CACTIN: variants seen among roughly 807,000 people sequenced by gnomAD.
CACTIN encodes cactin, spliceosome C complex subunit, also known as splicing factor Cactin.
CACTIN carries 20 observed loss-of-function variants against 84.9 expected under a neutral mutation model. The ratio of observed to expected loss-of-function variants is 0.24; its 90% CI spans 0.17 to 0.34. CACTIN has a LOEUF of 0.34. Among genes scored for constraint, CACTIN ranks in the 10% least tolerant of loss-of-function variants. CACTIN has a pLI of 1.00. For missense variants in CACTIN, 897 were observed against 1,117.2 expected, an observed-to-expected ratio of 0.80 and a Z score of 2.81; for synonymous variants, 549 against 467.9, an observed-to-expected ratio of 1.17 and a Z score of -2.24.
intron 1 of CACTIN, among the ~76,000 whole-genome samples, chr19:3,624,919 C>T (rs1360886885): frequency 1.3e-5 from 2 of 151,856 alleles, no homozygotes; most frequent in East Asian, 3.8e-4. Flanking sequence ...TTATTAGAGA[C>T]AGAGTCTCCC....
intron 1 of CACTIN, 23 bp downstream of exon 1, chr19:3,626,573 C>A (rs964145198): frequency 1.6e-5 from 23 of 1,410,744 alleles, no homozygotes; most frequent in African/African-American, 3.0e-5. Flanking sequence ...GGATCCCCAG[C>A]GCTGCTCCCG....
intron 2 of CACTIN, among the ~76,000 whole-genome samples, chr19:3,621,731 A>C (rs2033228538): frequency 6.6e-6 from 1 of 152,032 alleles, no homozygotes; most frequent in Non-Finnish European, 1.5e-5. Context: ...GGGTCTGGGG[A>C]GCAAGGGGCC....
chr19:3,611,357 A>G lies in CACTIN; in HGVS notation c.*566T>C. 1 of 450,946 alleles carries G rather than the reference A, an allele frequency of 2.2e-6. No individual in the cohort carries two copies. The highest frequency in any genetic ancestry group is 1.6e-5 in the South Asian group (1 of 63,924). The allele number at this position is 450,946 out of a possible 1,614,324, so 27.9% of individuals were successfully genotyped here. On this transcript the variant is annotated 3_prime_UTR_variant, in exon 10 of 10. Coordinates refer to ENST00000429344, the MANE Select transcript of CACTIN (RefSeq NM_001080543.2). The stretch of plus-strand genomic sequence containing the variant: ...CGGGCGCCAGCAGGGTCCCGGCCTC[A>G]GTGCTGCCTGTGCGGGCGAGGGTGG...
chr19:3,613,874 G>C (rs1298987201), intron 7 of CACTIN: 1 of 507,106 alleles, frequency 2.0e-6, no homozygotes, highest in Middle Eastern at 5.3e-4. Context: ...GCCAGGAGAA[G>C]GGGCCCAGCA....
In CACTIN at chr19:3,610,883, T is replaced by C. The variant is rs1250051666; in HGVS notation, c.*1040A>G. ...CTTTCCGTTTTGCTTCTGTTGGAGATGTTCCCGTCGGATGCTGAAGAACAA... is the reference window on the plus strand; with the variant it reads ...CTTTCCGTTTTGCTTCTGTTGGAGACGTTCCCGTCGGATGCTGAAGAACAA... On this transcript the variant is annotated 3_prime_UTR_variant, in exon 10 of 10. Transcript: ENST00000429344. The C allele has an allele frequency of 1.1e-4, 52 of 456,666 alleles. No homozygotes were observed. The Admixed American group carries it at 1.2e-3, about 11-fold the overall frequency. 28.3% of individuals were successfully genotyped at this position (456,666 alleles called of 1,614,324 possible).
intron 9 of CACTIN, chr19:3,612,774 CTCTG>C (rs937576331): frequency 5.9e-5 from 41 of 700,412 alleles, no homozygotes; most frequent in African/African-American, 5.1e-4. Context: ...GTATTTTCTC[CTCTG>C]TCTTAGGACG....
chr19:3,615,436 G>C lies in CACTIN; in HGVS notation c.1163-847C>G, dbSNP rs768964. ...AACCCTGCCCCTTGCTGCCCATGCC[G>C]AACCCCTGCCACCTCTGGGCCTTTG... On this transcript the variant is annotated intron_variant, in intron 6 of 9. Coordinates refer to ENST00000429344, the MANE Select transcript of CACTIN (RefSeq NM_001080543.2). This position sits in a 1 kb window ranked among gnomAD's most constrained non-coding sequence, Gnocchi z 5.2. 0.84 allele frequency: 129,080 copies of C among 153,482 alleles called. 54,628 individuals are homozygous for C. Among genetic ancestry groups the C allele is most frequent in the African/African-American group, 0.93 (38,691 of 41,566 alleles). 9.5% of individuals were successfully genotyped at this position (153,482 alleles called of 1,614,324 possible). A position where few individuals can be genotyped will look rare whatever the true frequency, so the allele number is the denominator to read the frequency against.
rs375535538 is a variant in CACTIN, at chr19:3,620,840, C to A, written c.643-38G>T. On this transcript the variant is annotated intron_variant, in intron 2 of 9. Coordinates refer to ENST00000429344, the MANE Select transcript of CACTIN (RefSeq NM_001080543.2). ...GGCACACCTGCCCTGAGCACAGACCCGCCCCCTCGCCCCCCTCCTCAGCTC... is the reference window on the plus strand; with the variant it reads ...GGCACACCTGCCCTGAGCACAGACCAGCCCCCTCGCCCCCCTCCTCAGCTC... 7.9e-5 allele frequency: 120 copies of A among 1,511,410 alleles called. 1 individual carries two copies. Among genetic ancestry groups the A allele is most frequent in the Middle Eastern group, 6.8e-4 (4 of 5,890 alleles). The allele number at this position is 1,511,410 out of a possible 1,614,324, so 93.6% of individuals were successfully genotyped here. A position where few individuals can be genotyped will look rare whatever the true frequency, so the allele number is the denominator to read the frequency against.
chr19:3,616,989 C>T (rs2033118301), intron 6 of CACTIN, among the ~76,000 whole-genome samples: 2 of 151,812 alleles, frequency 1.3e-5, no homozygotes, highest in Admixed American at 1.3e-4. Context: ...GGCGTGATGG[C>T]GCGCGTCTGT....
In CACTIN at chr19:3,613,128, G is replaced by T; in HGVS notation, c.1716C>A (p.Asp572Glu). The change falls in exon 9 of 10, where the codon GAC becomes GAA. Residue 572 changes from aspartate to glutamate, a missense_variant. Asp to Glu is a conservative substitution (Grantham distance 45). Coordinates refer to ENST00000429344, the MANE Select transcript of CACTIN (RefSeq NM_001080543.2). ...CCTCATCCGGTTCCAGCACGTGCGC[G>T]TCCAGTGGCAGCTCGTGCGCCGTGA... ...RLLTAHELPLDAHVLEPDEDL... is the reference protein window; with the variant it reads ...RLLTAHELPLEAHVLEPDEDL... 6.2e-7 allele frequency: 1 copy of T among 1,607,538 alleles called. No homozygotes were observed. The highest frequency in any genetic ancestry group is 1.1e-5 in the South Asian group (1 of 90,962).
At chr19:3,620,017 G>A in intron 4 of CACTIN, 110 bp downstream of exon 4, 1 of 1,310,416 alleles carries the variant, frequency 7.6e-7, no homozygotes. Flanking sequence ...GTCCCAGGAA[G>A]TGCCGTGTGG....
chr19:3,625,939 G>C (rs1389295730), intron 1 of CACTIN, among the ~76,000 whole-genome samples: 1 of 152,152 alleles, frequency 6.6e-6, no homozygotes, highest in African/African-American at 2.4e-5. Flanking sequence ...AAGGACCATG[G>C]GGAAGCTGAG....
chr19:3,624,291 C>T (rs1282500974), intron 1 of CACTIN, 129 bp from the exon 2 acceptor site: 9 of 834,922 alleles, frequency 1.1e-5, no homozygotes, highest in Admixed American at 5.3e-5. Flanking sequence ...ACCCAAATAC[C>T]GATGGCTTCT....
chr19:3,623,326 G>A (rs1599894946), intron 2 of CACTIN, among the ~76,000 whole-genome samples: 1 of 152,000 alleles, frequency 6.6e-6, no homozygotes, highest in African/African-American at 2.4e-5. Context: ...TCAGGAGATC[G>A]AGACCATCCT....
intron 7 of CACTIN, 72 bp downstream of exon 7, chr19:3,614,325 C>T (rs1233508561): frequency 9.0e-6 from 13 of 1,441,370 alleles, no homozygotes; most frequent in African/African-American, 7.0e-5. Context: ...CCACCCCACC[C>T]AGGACTCAGG....
Position 3,613,377 on chromosome 19 carries a change from G to C in CACTIN, c.1479-12C>G. The C allele has an allele frequency of 6.6e-7, 1 of 1,526,256 alleles. No individual in the cohort carries two copies. Among genetic ancestry groups the C allele is most frequent in the Non-Finnish European group, 8.8e-7 (1 of 1,140,592 alleles). The allele number at this position is 1,526,256 out of a possible 1,614,324, so 94.5% of individuals were successfully genotyped here. ...CCTCAGGCTCCAGGCTGGGAGGAGA[G>C]AGCGTTGGAGGCGCGGAGGCTGCCC... On this transcript the variant is annotated splice_polypyrimidine_tract_variant and intron_variant, in intron 8 of 9. Transcript: ENST00000429344.
chr19:3,613,159 C>T lies in CACTIN; in HGVS notation c.1685G>A (p.Arg562Gln), dbSNP rs1568290953. Residue 562 changes from arginine (R) to glutamine (Q), a missense_variant, in exon 9 of 10, where the codon CGG (arginine) becomes CAG (glutamine). By Grantham distance (43) the Arg-to-Gln change is conservative (BLOSUM62 1). Coordinates refer to ENST00000429344, the MANE Select transcript of CACTIN (RefSeq NM_001080543.2). ...DDYDAGRYSP[R>Q]LLTAHELPLD... ...TGGCAGCTCGTGCGCCGTGAGCAGCCGCGGGCTGTACCTGCCGGCGTCGTA... is the reference window on the plus strand; with the variant it reads ...TGGCAGCTCGTGCGCCGTGAGCAGCTGCGGGCTGTACCTGCCGGCGTCGTA... 3.1e-6 allele frequency: 5 copies of T among 1,610,152 alleles called. No individual in the cohort carries two copies. Among genetic ancestry groups the T allele is most frequent in the South Asian group, 1.1e-5 (1 of 91,058 alleles).
chr19:3,622,601 G>A lies in CACTIN; in HGVS notation c.642+1087C>T, dbSNP rs72978628. Among the ~76,000 whole-genome samples, 540 of 152,318 alleles carry A rather than the reference G, an allele frequency of 3.5e-3. 4 individuals are homozygous for A. Among genetic ancestry groups the A allele is most frequent in the Non-Finnish European group, 6.3e-3 (426 of 68,034 alleles). ...AGCCAGGGAGGGCCCAGGAATCACC[G>A]GCCATGACTGGAGCTGGGAGAGGCA... On this transcript the variant is annotated intron_variant, in intron 2 of 9. Transcript: ENST00000429344.
chr19:3,623,866 TCC>T lies in CACTIN; in HGVS notation c.462_463del (p.Glu155AlafsTer34). 1 of 1,609,930 alleles carries T rather than the reference TCC, an allele frequency of 6.2e-7. No homozygotes were observed. Among genetic ancestry groups the T allele is most frequent in the Non-Finnish European group, 8.5e-7 (1 of 1,179,854 alleles). On this transcript the variant is annotated frameshift_variant, in exon 2 of 10. Transcript: ENST00000429344. LOFTEE classifies it high-confidence loss of function. ...GGGCGTCTCGAAGGCCTTCATCAGC[TCC>T]TCCTGCTGCTTCCGCTCCTCCCGCA...
Sources: allele counts gnomAD v4.1 joint callset (sites outside exome capture counted in the v4.1 genomes callset), GRCh38; gene constraint gnomAD v4.1.1; non-coding constraint Gnocchi (gnomAD v3.1); transcripts MANE v1.5; gene names NCBI Gene and HGNC (gene_info 2026-07-23, HGNC 2026-07-21).